IL18R1: variants seen among roughly 807,000 people sequenced by gnomAD.
IL18R1 encodes the protein interleukin-18 receptor 1.
Under a neutral mutation model 48.5 loss-of-function variants are expected in IL18R1, and 40 were observed. The ratio of observed to expected loss-of-function variants is 0.82; its 90% CI spans 0.64 to 1.07. The LOEUF is 1.07. IL18R1 is among the 50% of genes least tolerant of loss of function. The probability of loss-of-function intolerance (pLI) is 0.00; values close to 1 mark genes in which losing one functional copy is unlikely to be tolerated. For synonymous variants in IL18R1, 232 were observed against 225.9 expected, an observed-to-expected ratio of 1.03 and a Z score of -0.24; for missense variants, 596 against 633.7, an observed-to-expected ratio of 0.94 and a Z score of 0.64.
rs552380889 is a variant in IL18R1, at chr2:102,379,282, A to G, written c.626-2338A>G. Among the ~76,000 whole-genome samples the G allele has an allele frequency of 1.7e-4, 26 of 152,146 alleles. No individual in the cohort carries two copies. The East Asian group carries it at 5.0e-3, about 30-fold the overall frequency. ...AACATGGCAAAACCCCATCTCTACT[A>G]AAAACAGAAAAATTAGCTGGGCTTG... On this transcript the variant is annotated intron_variant, in intron 5 of 10. Coordinates refer to ENST00000233957, the MANE Select transcript of IL18R1 (RefSeq NM_003855.5).
chr2:102,373,304 T>A (rs1314693411), intron 4 of IL18R1, among the ~76,000 whole-genome samples: 1 of 152,146 alleles, frequency 6.6e-6, no homozygotes, highest in East Asian at 1.9e-4. Context: ...GTTCATGTCT[T>A]TTGTAGGGAC....
intron 10 of IL18R1, 42 bp downstream of exon 10, chr2:102,394,669 C>A: frequency 1.3e-6 from 2 of 1,527,862 alleles, no homozygotes; most frequent in Non-Finnish European, 1.8e-6. Context: ...AAGATAGTTT[C>A]TTTTTAAAAA....
chr2:102,377,582 C>A (rs544133390), intron 5 of IL18R1, among the ~76,000 whole-genome samples: 1 of 152,250 alleles, frequency 6.6e-6, no homozygotes, highest in African/African-American at 2.4e-5. Context: ...TCCCAAAGTA[C>A]TGGGATTACA....
chr2:102,394,611 T>G lies in IL18R1; in HGVS notation c.1254T>G (p.Asp418Glu). Residue 418 changes from aspartate to glutamate, a missense_variant, in exon 10 of 11, where the codon GAT (aspartate) becomes GAG (glutamate). Physicochemically the swap from Asp to Glu is conservative, Grantham distance 45. Transcript: ENST00000233957. The stretch of plus-strand genomic sequence containing the variant: ...ATAAGTTATGCATATTTGAAAGGGA[T>G]GTAGTGCCTGGAGGAGGTAAGAGGG... ...FGYKLCIFERDVVPGGAVVDE... is the reference protein window; with the variant it reads ...FGYKLCIFEREVVPGGAVVDE... The G allele has an allele frequency of 6.2e-7, 1 of 1,609,598 alleles. No homozygotes were observed. The highest frequency in any genetic ancestry group is 8.5e-7 in the Non-Finnish European group (1 of 1,177,252).
At chr2:102,377,126 C>T (rs1244683050) in intron 5 of IL18R1, among the ~76,000 whole-genome samples, 3 of 152,160 alleles carry the variant, frequency 2.0e-5, no homozygotes, top group Admixed American at 6.5e-5. Context: ...TCTGTGGGCT[C>T]ACATTTGCTA....
chr2:102,378,475 A>G (rs1363539549), intron 5 of IL18R1, among the ~76,000 whole-genome samples: 1 of 152,188 alleles, frequency 6.6e-6, no homozygotes, highest in Admixed American at 6.5e-5. Flanking sequence ...AGCACAAGCT[A>G]TTCTTCTCCC....
intron 1 of IL18R1, among the ~76,000 whole-genome samples, chr2:102,362,230 C>A (rs1325411446): frequency 1.3e-5 from 2 of 151,992 alleles, no homozygotes; most frequent in African/African-American, 4.8e-5. Flanking sequence ...GATGTGAAAA[C>A]ACACACACAC....
In IL18R1 at chr2:102,372,723, C is replaced by T. The variant is rs1573200366; in HGVS notation, c.468+605C>T. On this transcript the variant is annotated intron_variant, in intron 4 of 10. Coordinates refer to ENST00000233957, the MANE Select transcript of IL18R1 (RefSeq NM_003855.5). ...CTTTAAATGATCTTCTAAACATGGG[C>T]TTTCAGTTTTTATGTGCCTGGTTTC... 1.3e-5 allele frequency among the ~76,000 whole-genome samples: 2 copies of T among 152,138 alleles called. 1 individual carries two copies. Among genetic ancestry groups the T allele is most frequent in the South Asian group, 4.1e-4 (2 of 4,828 alleles).
In IL18R1 at chr2:102,397,955, A is replaced by G. The variant is rs1291762452; in HGVS notation, c.*1069A>G. On this transcript the variant is annotated 3_prime_UTR_variant, in exon 11 of 11. Coordinates refer to ENST00000233957, the MANE Select transcript of IL18R1 (RefSeq NM_003855.5). ...GGGTAACTAAATGAATAAATATAAT[A>G]AAGTACTTACAGTGGTTCCTGACAC... 1.3e-5 allele frequency: 2 copies of G among 152,188 alleles called. No homozygotes were observed. The highest frequency in any genetic ancestry group is 2.1e-4 in the South Asian group (1 of 4,834). 9.4% of individuals were successfully genotyped at this position (152,188 alleles called of 1,614,324 possible).
rs186559110 is a variant in IL18R1, at chr2:102,388,054, G to C, written c.949+1054G>C. Among the ~76,000 whole-genome samples the C allele has an allele frequency of 2.4e-4, 36 of 152,200 alleles. No individual in the cohort carries two copies. The East Asian group carries it at 7.0e-3, about 29-fold the overall frequency. ...ACAGAGTAAGGGAGAGATACACACA[G>C]ACACACACAAACATGCAGAGACAGC... On this transcript the variant is annotated intron_variant, in intron 8 of 10. Transcript: ENST00000233957.
At chr2:102,377,306 A>AT (rs1283867399) in intron 5 of IL18R1, among the ~76,000 whole-genome samples, 1 of 151,986 alleles carries the variant, frequency 6.6e-6, no homozygotes, top group African/African-American at 2.4e-5. Context: ...CGTTTCTTTT[A>AT]TTTTTTTATT....
intron 2 of IL18R1, among the ~76,000 whole-genome samples, chr2:102,364,220 A>C (rs906507649): frequency 6.6e-6 from 1 of 152,244 alleles, no homozygotes; most frequent in Non-Finnish European, 1.5e-5. Context: ...GACAAGCGAA[A>C]ACCTGAAAAC....
chr2:102,390,519 A>C (rs1303015769), intron 9 of IL18R1, among the ~76,000 whole-genome samples: 1 of 152,134 alleles, frequency 6.6e-6, no homozygotes, highest in Non-Finnish European at 1.5e-5. Flanking sequence ...GTCTTTGTGC[A>C]TGCATCACTT....
chr2:102,397,638 G>A lies in IL18R1; in HGVS notation c.*752G>A, dbSNP rs1369849632. 1.3e-5 allele frequency: 2 copies of A among 152,348 alleles called. No individual in the cohort carries two copies. The highest frequency in any genetic ancestry group is 4.8e-5 in the African/African-American group (2 of 41,460). 9.4% of individuals were successfully genotyped at this position (152,348 alleles called of 1,614,324 possible). ...TCACTTTGGATGCTCTGAAACATTT[G>A]TTGATTTTGTGTGAATGTTTATATC... On this transcript the variant is annotated 3_prime_UTR_variant, in exon 11 of 11. Transcript: ENST00000233957.
At chr2:102,393,033 G>A (rs1297880434) in intron 9 of IL18R1, among the ~76,000 whole-genome samples, 1 of 152,142 alleles carries the variant, frequency 6.6e-6, no homozygotes, top group Non-Finnish European at 1.5e-5. Flanking sequence ...ATAGGTAAGA[G>A]CAAAGCTATA....
chr2:102,370,725 C>T (rs1335247779), intron 3 of IL18R1, among the ~76,000 whole-genome samples: 1 of 152,216 alleles, frequency 6.6e-6, no homozygotes, highest in Non-Finnish European at 1.5e-5. Context: ...TTTAACCTGT[C>T]TGAGATTTAG....
rs11465637 is a variant in IL18R1 at position 102,382,054 on chromosome 2, C to G, written c.688+372C>G. Reference sequence around the variant, plus strand: ...TTGGGAGGCCGAGGCAGGTGAATCACTTGAGGTCAGGAGTTTGAGACCAAC... The same window carrying G: ...TTGGGAGGCCGAGGCAGGTGAATCAGTTGAGGTCAGGAGTTTGAGACCAAC... On this transcript the variant is annotated intron_variant, in intron 6 of 10. Transcript: ENST00000233957. Among the ~76,000 whole-genome samples, 1,189 of 152,194 alleles carry G rather than the reference C, an allele frequency of 7.8e-3. 5 individuals are homozygous for G. The highest frequency in any genetic ancestry group is 0.014 in the Non-Finnish European group (932 of 68,016).
At chr2:102,371,920 A>G (rs1435294609) in intron 3 of IL18R1, 33 bp from the exon 4 acceptor site, 3 of 1,265,914 alleles carry the variant, frequency 2.4e-6, no homozygotes, top group Non-Finnish European at 3.3e-6. Context: ...TTTCTGTAGC[A>G]TTATAAAATA....
intron 9 of IL18R1, among the ~76,000 whole-genome samples, chr2:102,392,583 A>C (rs1680612981): frequency 6.6e-6 from 1 of 152,322 alleles, no homozygotes; most frequent in Non-Finnish European, 1.5e-5. Flanking sequence ...AGATATAAGT[A>C]TGAAGATAAA....
Sources: gnomAD v4.1 joint callset for allele counts (sites outside exome capture counted in the v4.1 genomes callset) on GRCh38, gnomAD v4.1.1 for gene constraint, MANE v1.5 for transcripts, NCBI Gene and HGNC (gene_info 2026-07-23, HGNC 2026-07-21) for gene names.